GNB2: variants seen among roughly 807,000 people sequenced by gnomAD.
GNB2 encodes guanine nucleotide-binding protein G(I)/G(S)/G(T) subunit beta-2.
GNB2 carries 7 observed loss-of-function variants against 40.7 expected under a neutral mutation model. The ratio of observed to expected loss-of-function variants is 0.17; its 90% CI spans 0.10 to 0.32. GNB2 has a LOEUF of 0.32. Ranked by LOEUF, GNB2 falls within the 10% of genes least tolerant of loss-of-function variation. The probability of loss-of-function intolerance (pLI) is 1.00; values close to 1 mark genes in which losing one functional copy is unlikely to be tolerated. For missense variants in GNB2, 286 were observed against 473.0 expected (o/e 0.60, Z 3.67); for synonymous variants, 254 against 191.2 (o/e 1.33, Z -2.71).
At position 100,676,334 on chromosome 7, in the gene GNB2, G is replaced by T; in HGVS notation, c.57+12G>T. The T allele has an allele frequency of 6.3e-7, 1 of 1,598,694 alleles. No individual in the cohort carries two copies. Among genetic ancestry groups the T allele is most frequent in the Non-Finnish European group, 8.5e-7 (1 of 1,171,820 alleles). On this transcript the variant is annotated intron_variant, in intron 2 of 9. Coordinates refer to ENST00000303210, the MANE Select transcript of GNB2 (RefSeq NM_005273.4). ...GGAACCAGATCCGGGTGAGGGCCTG[G>T]TGCGGGGCGGGCGATTCATGTGTAC...
In GNB2 at chr7:100,678,728, G is replaced by A. The variant is rs1804423626; in HGVS notation, c.950G>A (p.Cys317Tyr). The A allele has an allele frequency of 1.2e-6, 2 of 1,613,672 alleles. No individual in the cohort carries two copies. The highest frequency in any genetic ancestry group is 1.3e-5 in the African/African-American group (1 of 74,948). Residue 317 changes from cysteine (C) to tyrosine (Y), a missense_variant, in exon 10 of 10, where the codon TGC (cysteine) becomes TAC (tyrosine). Physicochemically the swap from Cys to Tyr is radical, Grantham distance 194. Coordinates refer to ENST00000303210, the MANE Select transcript of GNB2 (RefSeq NM_005273.4). ...VLAGHDNRVS[C>Y]LGVTDDGMAV... ...GCTGGCCACGACAACCGCGTGAGCT[G>A]CCTCGGGGTCACCGACGATGGCATG...
intron 7 of GNB2, 44 bp downstream of exon 7, chr7:100,677,862 TC>T (rs778187484): frequency 6.5e-7 from 1 of 1,543,158 alleles, no homozygotes; most frequent in Non-Finnish European, 8.9e-7. Flanking sequence ...AACCCACACT[TC>T]CTGCCTCAGG....
intron 1 of GNB2, among the ~76,000 whole-genome samples, chr7:100,674,179 G>A (rs972626289): frequency 1.4e-5 from 2 of 147,282 alleles, no homozygotes; most frequent in Non-Finnish European, 1.5e-5. Flanking sequence ...GCCCAGCCCC[G>A]ACTGCCTCTT....
At position 100,678,177 on chromosome 7, in the gene GNB2, G is replaced by A; in HGVS notation, c.577G>A (p.Ala193Thr). ...HSGDVMSLSL[A>T]PDGRTFVSGA... The stretch of plus-strand genomic sequence containing the variant: ...TGGGGATGTGATGTCCCTGTCCCTG[G>A]CCCCCGATGGCCGCACGTTTGTGTC... The change falls in exon 8 of 10, where the codon GCC (alanine) becomes ACC (threonine). Residue 193 changes from alanine to threonine, a missense_variant. Coordinates refer to ENST00000303210, the MANE Select transcript of GNB2 (RefSeq NM_005273.4). The A allele has an allele frequency of 6.2e-7, 1 of 1,613,852 alleles. No individual in the cohort carries two copies. The highest frequency in any genetic ancestry group is 8.5e-7 in the Non-Finnish European group (1 of 1,179,706).
chr7:100,677,976 C>G (rs1042192900), intron 7 of GNB2, 122 bp from the exon 8 acceptor site: 2 of 1,033,578 alleles, frequency 1.9e-6, no homozygotes, highest in Non-Finnish European at 2.9e-6. Flanking sequence ...CCACCTAAGG[C>G]TCTGAGAAGA....
At position 100,678,482 on chromosome 7, in the gene GNB2, C is replaced by G. The variant is rs1362596396; in HGVS notation, c.784C>G (p.Leu262Val). The G allele has an allele frequency of 6.2e-7, 1 of 1,613,732 alleles. No homozygotes were observed. The highest frequency in any genetic ancestry group is 1.1e-5 in the South Asian group (1 of 91,086). Reference protein sequence around the residue: ...LFDLRADQELLMYSHDNIICG... With the variant: ...LFDLRADQELVMYSHDNIICG... ...CGACCTGCGGGCCGATCAGGAGCTC[C>G]TCATGTACTCCCATGACAACATCAT... The change falls in exon 9 of 10, where the codon CTC becomes GTC. Residue 262 changes from leucine (L) to valine (V), a missense_variant. Leu to Val is a conservative substitution (Grantham distance 32). Coordinates refer to ENST00000303210, the MANE Select transcript of GNB2 (RefSeq NM_005273.4).
At chr7:100,676,391 G>A (rs1381324197) in intron 2 of GNB2, 69 bp downstream of exon 2, 7 of 1,383,824 alleles carry the variant, frequency 5.1e-6, no homozygotes, top group Non-Finnish European at 7.1e-6. Flanking sequence ...GGTTGGGTGA[G>A]GGTGTTGGTG....
rs925711824 is a variant in GNB2, at chr7:100,676,198, G to C, written c.-68G>C. Reference sequence around the variant, plus strand: ...CCAGGCCTCGGGCCAGCGGCCAGGAGCTGCCTCCCCCAGCCCCCGTCCCGC... The same window carrying C: ...CCAGGCCTCGGGCCAGCGGCCAGGACCTGCCTCCCCCAGCCCCCGTCCCGC... On this transcript the variant is annotated 5_prime_UTR_variant, in exon 2 of 10. Coordinates refer to ENST00000303210, the MANE Select transcript of GNB2 (RefSeq NM_005273.4). 1.1e-6 allele frequency: 1 copy of C among 937,702 alleles called. No homozygotes were observed. Among genetic ancestry groups the C allele is most frequent in the Non-Finnish European group, 1.6e-6 (1 of 611,644 alleles). 58.1% of individuals were successfully genotyped at this position (937,702 alleles called of 1,614,324 possible).
In GNB2 at chr7:100,676,813, C is replaced by T. The variant is rs377481208; in HGVS notation, c.203+14C>T. The T allele has an allele frequency of 3.2e-4, 446 of 1,372,436 alleles. No homozygotes were observed. The highest frequency in any genetic ancestry group is 1.9e-3 in the African/African-American group (129 of 69,666). The allele number at this position is 1,372,436 out of a possible 1,614,324, so 85.0% of individuals were successfully genotyped here. On this transcript the variant is annotated intron_variant, in intron 4 of 9. Transcript: ENST00000303210. Reference sequence around the variant, plus strand: ...GACCGACTCAAGGTGTGTGTGTGTGCGCGGGCTGGCGCTGTGGGCCGACTT... The same window carrying T: ...GACCGACTCAAGGTGTGTGTGTGTGTGCGGGCTGGCGCTGTGGGCCGACTT...
At chr7:100,676,346 C>T (rs1244101289) in intron 2 of GNB2, 24 bp downstream of exon 2, 3 of 1,585,394 alleles carry the variant, frequency 1.9e-6, no homozygotes, top group Non-Finnish European at 8.6e-7. Flanking sequence ...GCGGGGCGGG[C>T]GATTCATGTG....
chr7:100,675,033 G>A (rs1804319023), intron 1 of GNB2, among the ~76,000 whole-genome samples: 1 of 152,160 alleles, frequency 6.6e-6, no homozygotes, highest in Non-Finnish European at 1.5e-5. Context: ...AGTGGGAGCT[G>A]GGTGGGGGAC....
At position 100,678,759 on chromosome 7, in the gene GNB2, G is replaced by A; in HGVS notation, c.981G>A (p.Val327=). ...CLGVTDDGMA[V]ATGSWDSFLK... is the part of the protein sequence containing the mutation. Reference sequence around the variant, plus strand: ...GGGTCACCGACGATGGCATGGCTGTGGCCACGGGCTCCTGGGACTCCTTCC... The same window carrying A: ...GGGTCACCGACGATGGCATGGCTGTAGCCACGGGCTCCTGGGACTCCTTCC... The change falls in exon 10 of 10, where the codon GTG becomes GTA. Residue 327 remains valine (V), a synonymous_variant. Transcript: ENST00000303210. The A allele has an allele frequency of 6.2e-7, 1 of 1,613,690 alleles. No homozygotes were observed. The highest frequency in any genetic ancestry group is 8.5e-7 in the Non-Finnish European group (1 of 1,179,946).
At position 100,673,815 on chromosome 7, in the gene GNB2, GCGCCGCCGC is replaced by G. The variant is rs374292503; in HGVS notation, c.-169_-161del. ...CTGGGGCCACTGAGGAAATCCATCC[GCGCCGCCGC>G]CGCCGCCGCCGCCGCCGCCGCCGCC... On this transcript the variant is annotated 5_prime_UTR_variant, in exon 1 of 10. Coordinates refer to ENST00000303210, the MANE Select transcript of GNB2 (RefSeq NM_005273.4). 798 of 178,026 alleles carry G rather than the reference GCGCCGCCGC, an allele frequency of 4.5e-3. 4 individuals carry two copies. The highest frequency in any genetic ancestry group is 0.02 in the Middle Eastern group (8 of 396). The allele number at this position is 178,026 out of a possible 1,614,324, so 11.0% of individuals were successfully genotyped here.
chr7:100,676,752 T>G lies in GNB2; in HGVS notation c.156T>G (p.Arg52=). 1 of 1,604,856 alleles carries G rather than the reference T, an allele frequency of 6.2e-7. No individual in the cohort carries two copies. The highest frequency in any genetic ancestry group is 1.1e-5 in the South Asian group (1 of 90,148). Residue 52 remains arginine (R), a synonymous_variant, in exon 4 of 10, where the codon CGT becomes CGG. Coordinates refer to ENST00000303210, the MANE Select transcript of GNB2 (RefSeq NM_005273.4). ...AGATGAGGACCCGGAGGACCCTCCG[T>G]GGGCACCTGGCAAAGATCTATGCCA... The part of the protein sequence containing the change: ...RIQMRTRRTL[R]GHLAKIYAMH...
chr7:100,674,962 A>T (rs974169988), intron 1 of GNB2, among the ~76,000 whole-genome samples: 12 of 152,172 alleles, frequency 7.9e-5, no homozygotes, highest in Admixed American at 1.3e-4. Context: ...TGGCGTAGAA[A>T]GCTGAACTTA....
chr7:100,677,641 G>A lies in GNB2; in HGVS notation c.411G>A (p.Arg137=). The change falls in exon 6 of 10, where the codon CGG becomes CGA. Residue 137 remains arginine (R), a synonymous_variant. Coordinates refer to ENST00000303210, the MANE Select transcript of GNB2 (RefSeq NM_005273.4). ...GCGAGGGCAACGTCAGGGTCAGCCGGGAGCTGCCTGGCCACACTGGTGAGG... is the reference window on the plus strand; with the variant it reads ...GCGAGGGCAACGTCAGGGTCAGCCGAGAGCTGCCTGGCCACACTGGTGAGG... The part of the protein sequence containing the change: ...KTREGNVRVS[R]ELPGHTGYLS... 1.2e-6 allele frequency: 2 copies of A among 1,613,444 alleles called. No homozygotes were observed. Among genetic ancestry groups the A allele is most frequent in the Non-Finnish European group, 1.7e-6 (2 of 1,179,986 alleles).
Position 100,678,030 on chromosome 7 carries a change from C to G in GNB2, c.498-68C>G. ...ACAGGGTTGGGCTCACGTGGTGGGG[C>G]GGGGAGAACAGGGACTCTGTTCTTC... On this transcript the variant is annotated intron_variant, in intron 7 of 9. Transcript: ENST00000303210. 8 of 1,335,966 alleles carry G rather than the reference C, an allele frequency of 6.0e-6. 1 individual carries two copies. In the South Asian group the frequency reaches 9.5e-5, roughly 16 times the overall value. The allele number at this position is 1,335,966 out of a possible 1,614,324, so 82.8% of individuals were successfully genotyped here. A position where few individuals can be genotyped will look rare whatever the true frequency, so the allele number is the denominator to read the frequency against.
rs1554370193 is a variant in GNB2, at chr7:100,673,847, G to GCCGCCGCCGCCGCCGCCGCCT, written c.-161_-160insGCCGCCGCCGCCGCCTCCGCC. The GCCGCCGCCGCCGCCGCCGCCT allele has an allele frequency of 2.2e-5, 4 of 182,472 alleles. No individual in the cohort carries two copies. Among genetic ancestry groups the GCCGCCGCCGCCGCCGCCGCCT allele is most frequent in the African/African-American group, 1.0e-4 (4 of 39,528 alleles). The allele number at this position is 182,472 out of a possible 1,614,324, so 11.3% of individuals were successfully genotyped here. On this transcript the variant is annotated 5_prime_UTR_variant, in exon 1 of 10. Transcript: ENST00000303210. Reference sequence around the variant, plus strand: ...CGCCGCCGCCGCCGCCGCCGCCGCCGCCGCCTCCGCCGCGGAGGAAGACAG... The same window carrying GCCGCCGCCGCCGCCGCCGCCT: ...CGCCGCCGCCGCCGCCGCCGCCGCCGCCGCCGCCGCCGCCGCCGCCTCCGCCTCCGCCGCGGAGGAAGACAG...
At chr7:100,676,453 C>A in intron 2 of GNB2, 82 bp from the exon 3 acceptor site, 1 of 1,347,278 alleles carries the variant, frequency 7.4e-7, no homozygotes, top group Non-Finnish European at 1.1e-6. Context: ...ACCCTGTCCA[C>A]TCCTGTCTTC....
Sources: allele counts gnomAD v4.1 joint callset (sites outside exome capture counted in the v4.1 genomes callset), GRCh38; gene constraint gnomAD v4.1.1; transcripts MANE v1.5; gene names NCBI Gene and HGNC (gene_info 2026-07-23, HGNC 2026-07-21).